The following CEP128 variants were observed in gnomAD, a reference collection of about 807,000 sequenced individuals.
The protein encoded by CEP128 is centrosomal protein 128.
In CEP128, 132 loss-of-function variants were observed where a neutral mutation model predicts 156.7. The observed-to-expected ratio is 0.84, with a 90% CI of 0.73 to 0.97. CEP128 has a LOEUF of 0.97. CEP128 is among the 50% of genes least tolerant of loss of function. CEP128 has a pLI of 0.00. For synonymous variants in CEP128, 469 were observed against 448.9 expected (o/e 1.04, Z -0.57); for missense variants, 1,252 against 1,281.9 (o/e 0.98, Z 0.36).
chr14:80,652,893 T>C (rs991772453), intron 19 of CEP128, among the ~76,000 whole-genome samples: 9 of 152,216 alleles, frequency 5.9e-5, no homozygotes, highest in East Asian at 3.9e-4. Context: ...CGCACACGTA[T>C]GTTTATTGCA....
chr14:80,792,921 G>T lies in CEP128; in HGVS notation c.1399C>A (p.Gln467Lys), dbSNP rs770144174. 7.4e-6 allele frequency: 12 copies of T among 1,614,070 alleles called. No homozygotes were observed. The Admixed American group carries it at 2.0e-4, about 27-fold the overall frequency. Reference sequence around the variant, plus strand: ...GCCTCCTCTTTCAGAGCCTCTGACTGCTGGAGCTCACTGAGGTACCGCTCA... The same window carrying T: ...GCCTCCTCTTTCAGAGCCTCTGACTTCTGGAGCTCACTGAGGTACCGCTCA... The part of the protein sequence containing the change: ...QAERYLSELQ[Q>K]SEALKEEAEK... Residue 467 changes from glutamine (Q) to lysine (K), a missense_variant, in exon 14 of 25, where the codon CAG (glutamine) becomes AAG (lysine). Coordinates refer to ENST00000555265, the MANE Select transcript of CEP128 (RefSeq NM_152446.5).
At chr14:80,628,841 T>C (rs909794272) in intron 19 of CEP128, among the ~76,000 whole-genome samples, 4 of 98,860 alleles carry the variant, frequency 4.0e-5, no homozygotes, top group African/African-American at 1.8e-4. Context: ...CATATATATA[T>C]GTATAGTCAC....
chr14:80,607,535 T>C lies in CEP128; in HGVS notation c.2807-27112A>G, dbSNP rs114128051. Among the ~76,000 whole-genome samples the C allele has an allele frequency of 5.6e-3, 858 of 152,282 alleles. 6 individuals carry two copies. Among genetic ancestry groups the C allele is most frequent in the African/African-American group, 0.02 (819 of 41,566 alleles). On this transcript the variant is annotated intron_variant, in intron 19 of 24. Coordinates refer to ENST00000555265, the MANE Select transcript of CEP128 (RefSeq NM_152446.5). Reference sequence around the variant, plus strand: ...AGGTGTGTTACAATAAATGTAAAAGTCTTGCAAGTTCCTTCACCAAATTCT... The same window carrying C: ...AGGTGTGTTACAATAAATGTAAAAGCCTTGCAAGTTCCTTCACCAAATTCT...
chr14:80,486,187 G>A (rs1887160401), downstream of CEP128, among the ~76,000 whole-genome samples: 1 of 152,184 alleles, frequency 6.6e-6, no homozygotes, highest in South Asian at 2.1e-4. Flanking sequence ...AGCTAATGGA[G>A]CTGAAAGCCA....
At chr14:80,487,418 A>G (rs987138305), downstream of CEP128, among the ~76,000 whole-genome samples, 1 of 152,182 alleles carries the variant, frequency 6.6e-6, no homozygotes, top group African/African-American at 2.4e-5. Flanking sequence ...CTCCCACACA[A>G]TAATAATGGG....
At chr14:80,523,832 T>C (rs1181395932) in intron 23 of CEP128, among the ~76,000 whole-genome samples, 2 of 152,216 alleles carry the variant, frequency 1.3e-5, no homozygotes, top group African/African-American at 4.8e-5. Flanking sequence ...ATTAGTAATT[T>C]CTTCTTCCTC....
At chr14:80,532,224 C>G (rs374409284) in intron 21 of CEP128, among the ~76,000 whole-genome samples, 1 of 152,002 alleles carries the variant, frequency 6.6e-6, no homozygotes. Flanking sequence ...GACAGGGTCT[C>G]GCTCTGTTGT....
At chr14:80,786,925 T>G (rs1185923095) in intron 14 of CEP128, among the ~76,000 whole-genome samples, 1 of 151,932 alleles carries the variant, frequency 6.6e-6, no homozygotes, top group Non-Finnish European at 1.5e-5. Flanking sequence ...CTGGGCAACA[T>G]AGCAAGACCC....
Position 80,497,552 on chromosome 14 carries a change from G to A in CEP128, c.3212C>T (p.Ser1071Leu). Residue 1071 changes from serine to leucine, a missense_variant, in exon 25 of 25, where the codon TCA (serine) becomes TTA (leucine). Coordinates refer to ENST00000555265, the MANE Select transcript of CEP128 (RefSeq NM_152446.5). ...TGTGGCATCTTCCTTGTTTGAAGCT[G>A]AATCTGGAGCAACAGTTCTTTTGGT... ...SFTKRTVAPDSASNKEDATMN... is the reference protein window; with the variant it reads ...SFTKRTVAPDLASNKEDATMN... The A allele has an allele frequency of 6.2e-7, 1 of 1,613,118 alleles. No individual in the cohort carries two copies. The highest frequency in any genetic ancestry group is 1.3e-5 in the African/African-American group (1 of 74,994).
intron 6 of CEP128, among the ~76,000 whole-genome samples, chr14:80,901,941 C>A (rs765538059): frequency 6.6e-6 from 1 of 152,128 alleles, no homozygotes; most frequent in Non-Finnish European, 1.5e-5. Flanking sequence ...TAATCTCAGC[C>A]CTTCATACTT....
chr14:80,893,928 T>C (rs775187315), intron 8 of CEP128, among the ~76,000 whole-genome samples: 1 of 151,896 alleles, frequency 6.6e-6, no homozygotes, highest in Non-Finnish European at 1.5e-5. Context: ...GAAAGAGTAG[T>C]CCTTTTAATA....
chr14:80,636,454 C>CT (rs1021159180), intron 19 of CEP128, among the ~76,000 whole-genome samples: 2 of 152,020 alleles, frequency 1.3e-5, no homozygotes, highest in South Asian at 2.1e-4. Flanking sequence ...CATTTTCCTG[C>CT]TTTTTTTTCT....
At chr14:80,923,484 C>T (rs1884987538) in intron 2 of CEP128, among the ~76,000 whole-genome samples, 1 of 152,132 alleles carries the variant, frequency 6.6e-6, no homozygotes, top group Non-Finnish European at 1.5e-5. Flanking sequence ...ACCTCTTTTC[C>T]TCTGAGCCAG....
intron 19 of CEP128, among the ~76,000 whole-genome samples, chr14:80,726,757 C>T (rs1898034622): frequency 6.6e-6 from 1 of 151,852 alleles, no homozygotes; most frequent in Non-Finnish European, 1.5e-5. Context: ...TTCTGCCTAG[C>T]TAATAATATA....
At chr14:80,512,116 T>C (rs1430319656) in intron 23 of CEP128, among the ~76,000 whole-genome samples, 2 of 152,076 alleles carry the variant, frequency 1.3e-5, no homozygotes, top group South Asian at 2.1e-4. Flanking sequence ...TTAAGTCTTA[T>C]GCTTCTTTGT....
At chr14:80,930,159 C>T (rs1310247379) in intron 2 of CEP128, among the ~76,000 whole-genome samples, 1 of 152,152 alleles carries the variant, frequency 6.6e-6, no homozygotes, top group Non-Finnish European at 1.5e-5. Context: ...GATTCTAGTG[C>T]TGGGAGCAGC....
At chr14:80,884,362 C>T (rs1386051967) in intron 8 of CEP128, among the ~76,000 whole-genome samples, 1 of 152,182 alleles carries the variant, frequency 6.6e-6, no homozygotes, top group African/African-American at 2.4e-5. Context: ...ATACAGAGAG[C>T]TGTCAAGATG....
chr14:80,881,038 T>C (rs911558681), intron 8 of CEP128, among the ~76,000 whole-genome samples: 46 of 144,670 alleles, frequency 3.2e-4, no homozygotes, highest in African/African-American at 9.9e-4. Context: ...GAAGCAAGAA[T>C]AAACCAAACC....
chr14:80,811,848 G>GATAGATAGATAGATAGATAGATA (rs1555350886), intron 13 of CEP128, among the ~76,000 whole-genome samples: 36 of 18,826 alleles, frequency 1.9e-3, no homozygotes, highest in Non-Finnish European at 3.2e-3. Flanking sequence ...ATAGATAGAT[G>GATAGATAGATAGATAGATAGATA]ATAACAGTCC....
Sources: gnomAD v4.1 joint callset for allele counts (sites outside exome capture counted in the v4.1 genomes callset) on GRCh38, gnomAD v4.1.1 for gene constraint, MANE v1.5 for transcripts, NCBI Gene and HGNC (gene_info 2026-07-23, HGNC 2026-07-21) for gene names.